Variants in THSD4 observed in about 807,000 individuals in gnomAD.
THSD4 encodes the protein thrombospondin type-1 domain-containing protein 4.
A neutral mutation model predicts 119.0 loss-of-function variants in THSD4; 69 were observed. The ratio of observed to expected loss-of-function variants is 0.58; its 90% confidence interval spans 0.48 to 0.71. THSD4 has a LOEUF of 0.71. THSD4 is among the 30% of genes least tolerant of loss of function. THSD4 has a pLI of 0.00. For synonymous variants in THSD4, 524 were observed against 540.4 expected (o/e 0.97, Z 0.42); for missense variants, 1,393 against 1,391.1 (o/e 1.00, Z -0.02).
At chr15:71,199,843 C>CTGTG (rs1281931770) in intron 3 of THSD4, among the ~76,000 whole-genome samples, 8 of 81,124 alleles carry the variant, frequency 9.9e-5, no homozygotes, top group East Asian at 4.8e-4. Context: ...TGTGTGTGTG[C>CTGTG]TGTGTGTGAT....
chr15:71,235,960 C>T (rs769221546), intron 4 of THSD4, among the ~76,000 whole-genome samples: 10 of 152,166 alleles, frequency 6.6e-5, no homozygotes, highest in Non-Finnish European at 1.2e-4. Flanking sequence ...AGACTTTCCA[C>T]GCGGGCAGGG....
rs138060879 is a variant in THSD4, at chr15:71,556,894, C to T, written c.1153-103636C>T. ...AATTATGTAATCTGTGAATAATGGCCATTTTGGCTTTTTTCCTTTTCCAAA... is the reference window on the plus strand; with the variant it reads ...AATTATGTAATCTGTGAATAATGGCTATTTTGGCTTTTTTCCTTTTCCAAA... On this transcript the variant is annotated intron_variant, in intron 7 of 17. Coordinates refer to ENST00000261862, the MANE Select transcript of THSD4 (RefSeq NM_024817.3). Among the ~76,000 whole-genome samples the T allele has an allele frequency of 2.4e-4, 36 of 152,014 alleles. No homozygotes were observed. In the East Asian group the frequency reaches 6.6e-3, roughly 28 times the overall value.
At chr15:71,174,561 A>G (rs1392724018) in intron 3 of THSD4, among the ~76,000 whole-genome samples, 2 of 16,064 alleles carry the variant, frequency 1.2e-4, no homozygotes, top group Non-Finnish European at 2.9e-4. Context: ...GGCTGGGGGG[A>G]GGGGCGCCCG....
intron 8 of THSD4, among the ~76,000 whole-genome samples, chr15:71,695,481 A>G (rs2052144541): frequency 6.7e-6 from 1 of 148,896 alleles, no homozygotes; most frequent in Admixed American, 6.7e-5. Flanking sequence ...GTATATACAC[A>G]TAAAATATTT....
chr15:71,776,929 G>A (rs1216266801), intron 17 of THSD4, among the ~76,000 whole-genome samples: 1 of 152,212 alleles, frequency 6.6e-6, no homozygotes, highest in Admixed American at 6.5e-5. Context: ...GTAAAGAAAT[G>A]TTTGGGGATA....
chr15:71,585,840 ATTCT>A (rs1235228978), intron 7 of THSD4, among the ~76,000 whole-genome samples: 4 of 151,826 alleles, frequency 2.6e-5, no homozygotes, highest in African/African-American at 9.7e-5. Flanking sequence ...GAGCTTACCA[ATTCT>A]TTCTTCTGCG....
intron 7 of THSD4, among the ~76,000 whole-genome samples, chr15:71,537,877 C>G (rs1186780361): frequency 6.6e-6 from 1 of 151,982 alleles, no homozygotes; most frequent in African/African-American, 2.4e-5. Flanking sequence ...ATTTTCACAC[C>G]TCACCCTCCC....
chr15:71,430,890 C>T (rs564694455), intron 7 of THSD4, among the ~76,000 whole-genome samples: 10 of 152,200 alleles, frequency 6.6e-5, no homozygotes, highest in African/African-American at 2.2e-4. Flanking sequence ...TGTCAGCCTC[C>T]GTTCTGTAAA....
rs748239514 is a variant in THSD4 at position 71,771,061 on chromosome 15, C to T, written c.2770-3C>T. The T allele has an allele frequency of 1.2e-6, 2 of 1,613,674 alleles. No homozygotes were observed. Among genetic ancestry groups the T allele is most frequent in the South Asian group, 2.2e-5 (2 of 90,942 alleles). ...CTGATGTTTTCCCTTTGTTCCCATG[C>T]AGTGTTCCAAGAGCTGCCAGGGTGG... is the stretch of plus-strand genomic sequence containing the variant. On this transcript the variant is annotated splice_region_variant and splice_polypyrimidine_tract_variant and intron_variant, in intron 16 of 17. Coordinates refer to ENST00000261862, the MANE Select transcript of THSD4 (RefSeq NM_024817.3).
chr15:71,682,089 A>G (rs1281083848), intron 8 of THSD4, among the ~76,000 whole-genome samples: 2 of 152,330 alleles, frequency 1.3e-5, no homozygotes, highest in East Asian at 1.9e-4. Context: ...GGATGAAGAC[A>G]TAGTTCAACC....
chr15:71,747,970 G>T (rs1020208609), intron 13 of THSD4, among the ~76,000 whole-genome samples: 1 of 152,140 alleles, frequency 6.6e-6, no homozygotes. Flanking sequence ...ATGGCGTTGG[G>T]TCCTGTTTAT....
chr15:71,774,322 A>G (rs1595938822), intron 17 of THSD4, among the ~76,000 whole-genome samples: 2 of 126,068 alleles, frequency 1.6e-5, no homozygotes, highest in East Asian at 2.0e-4. Context: ...AAAAAAAAAA[A>G]AAAAACTACA....
intron 3 of THSD4, among the ~76,000 whole-genome samples, chr15:71,203,053 C>G (rs1160806024): frequency 6.6e-6 from 1 of 152,064 alleles, no homozygotes; most frequent in Non-Finnish European, 1.5e-5. Flanking sequence ...TGTAATGGCC[C>G]TGGAGAATGG....
Position 71,513,777 on chromosome 15 carries a change from C to G in THSD4, c.1152+101954C>G, listed in dbSNP as rs752844136. ...CGTAGTAGCTCAAAACTGGAAACAA[C>G]GCAAACATCTATCAATAGGTAAATA... On this transcript the variant is annotated intron_variant, in intron 7 of 17. Transcript: ENST00000261862. Among the ~76,000 whole-genome samples, 3 of 152,246 alleles carry G rather than the reference C, an allele frequency of 2.0e-5. No homozygotes were observed. The East Asian group carries it at 5.8e-4, about 29-fold the overall frequency.
chr15:71,247,315 T>C (rs1450786109), intron 5 of THSD4, among the ~76,000 whole-genome samples: 2 of 152,160 alleles, frequency 1.3e-5, no homozygotes, highest in Admixed American at 6.5e-5. Context: ...AGAGAAGGCT[T>C]TTGCTTGAAG....
At chr15:71,112,637 C>A (rs1378685117), upstream of THSD4, among the ~76,000 whole-genome samples, 1 of 152,146 alleles carries the variant, frequency 6.6e-6, no homozygotes, top group Non-Finnish European at 1.5e-5. Context: ...CCAGGCAGGC[C>A]CCCAGCCTAG....
At chr15:71,271,648 A>T (rs982279508) in intron 6 of THSD4, among the ~76,000 whole-genome samples, 1 of 152,128 alleles carries the variant, frequency 6.6e-6, no homozygotes, top group Admixed American at 6.5e-5. Flanking sequence ...AAACCTTATG[A>T]TTCTCTTTTC....
chr15:71,261,026 C>T (rs962222255), intron 6 of THSD4, among the ~76,000 whole-genome samples: 10 of 152,208 alleles, frequency 6.6e-5, no homozygotes, highest in Non-Finnish European at 1.2e-4. Context: ...CACTTGAACC[C>T]AGGAGGCAGA....
Position 71,513,605 on chromosome 15 carries a change from A to G in THSD4, c.1152+101782A>G, listed in dbSNP as rs144341509. On this transcript the variant is annotated intron_variant, in intron 7 of 17. Transcript: ENST00000261862. Reference sequence around the variant, plus strand: ...TACCAAGGTGAGGATGAGAGACTGAAACACTCACACATTGCTGATGGGCGT... The same window carrying G: ...TACCAAGGTGAGGATGAGAGACTGAGACACTCACACATTGCTGATGGGCGT... Among the ~76,000 whole-genome samples, 30 of 152,288 alleles carry G rather than the reference A, an allele frequency of 2.0e-4. No homozygotes were observed. The East Asian group carries it at 5.8e-3, about 29-fold the overall frequency.
Sources: allele counts gnomAD v4.1 joint callset (sites outside exome capture counted in the v4.1 genomes callset), GRCh38; gene constraint gnomAD v4.1.1; transcripts MANE v1.5; gene names NCBI Gene and HGNC (gene_info 2026-07-23, HGNC 2026-07-21).